The following ZNF503 variants were observed in gnomAD, a reference collection of about 807,000 sequenced individuals.
The protein encoded by ZNF503 is NocA-like zinc finger 2.
Under a neutral mutation model 34.4 loss-of-function variants are expected in ZNF503, and 15 were observed. That is an observed-to-expected ratio of 0.44 (90% CI 0.29 to 0.67). ZNF503 has a LOEUF of 0.67. Ranked by LOEUF, ZNF503 falls within the 30% of genes least tolerant of loss-of-function variation. The pLI is 0.13. For missense variants in ZNF503, 1,007 were observed against 926.8 expected (o/e 1.09, Z -1.12); for synonymous variants, 580 against 456.8 (o/e 1.27, Z -3.44).
At chr10:75,324,028 CTTA>C in the ZNF503 span, among the ~76,000 whole-genome samples, 82 of 129,486 alleles carry the variant, frequency 6.3e-4, no homozygotes, top group African/African-American at 2.2e-3. Context: ...TGCTTGTTTT[CTTA>C]TTGTTGAATT....
chr10:75,293,646 C>A, the ZNF503 span, among the ~76,000 whole-genome samples: 1 of 151,068 alleles, frequency 6.6e-6, no homozygotes, highest in Non-Finnish European at 1.5e-5. Context: ...TGTGTGTGTG[C>A]GTGTGTGTAT....
rs1167458634 is a variant in ZNF503, at chr10:75,401,377, GCTTA to G, written c.39_42del (p.Lys14ThrfsTer63). ...CCTCCGCCGCCGCCGCCGCCGCTGT[GCTTA>G]CTGCTTCTTAGGGCAGAAAGCGAGG... On this transcript the variant is annotated frameshift_variant, in exon 1 of 2. Coordinates refer to ENST00000372524, the MANE Select transcript of ZNF503 (RefSeq NM_032772.6). LOFTEE classifies it high-confidence loss of function. 6.5e-7 allele frequency: 1 copy of G among 1,532,242 alleles called. No individual in the cohort carries two copies. The highest frequency in any genetic ancestry group is 8.8e-7 in the Non-Finnish European group (1 of 1,141,002). 94.9% of individuals were successfully genotyped at this position (1,532,242 alleles called of 1,614,324 possible). A position where few individuals can be genotyped will look rare whatever the true frequency, so the allele number is the denominator to read the frequency against.
Position 75,401,165 on chromosome 10 carries a change from G to C in ZNF503, c.255C>G (p.Gly85=). The change falls in exon 1 of 2, where the codon GGC becomes GGG. Residue 85 remains glycine, a synonymous_variant. Coordinates refer to ENST00000372524, the MANE Select transcript of ZNF503 (RefSeq NM_032772.6). The stretch of plus-strand genomic sequence containing the variant: ...GCAGGTACTCGGGGTGCAAAATGTG[G>C]CCAGTTCGTGCCGTCAGCATCTTCA... ...KVLKMLTART[G]HILHPEYLQP... The C allele has an allele frequency of 6.2e-7, 1 of 1,611,552 alleles. No individual in the cohort carries two copies. Among genetic ancestry groups the C allele is most frequent in the South Asian group, 1.1e-5 (1 of 90,726 alleles).
chr10:75,365,214 T>A, the ZNF503 span, among the ~76,000 whole-genome samples: 1 of 152,230 alleles, frequency 6.6e-6, no homozygotes, highest in South Asian at 2.1e-4. Context: ...AGTGGAGTGA[T>A]CTCAGCTCAC....
chr10:75,368,413 AT>A, the ZNF503 span, among the ~76,000 whole-genome samples: 1 of 152,224 alleles, frequency 6.6e-6, no homozygotes, highest in African/African-American at 2.4e-5. Flanking sequence ...AGATCCAGGA[AT>A]AGAAAGGAAT....
At chr10:75,396,249 G>A (rs952771400), downstream of ZNF503, among the ~76,000 whole-genome samples, 1 of 152,180 alleles carries the variant, frequency 6.6e-6, no homozygotes, top group Non-Finnish European at 1.5e-5. This position sits in a 1 kb window ranked among gnomAD's most constrained non-coding sequence, Gnocchi z 4.4. Flanking sequence ...ACCAGAGTGG[G>A]ACCGGGGCCG....
the ZNF503 span, among the ~76,000 whole-genome samples, chr10:75,360,114 CTTTTTTTTT>C: frequency 2.8e-5 from 3 of 108,488 alleles, no homozygotes; most frequent in Non-Finnish European, 5.5e-5. Context: ...CCAAAGGTTT[CTTTTTTTTT>C]TTTTTTTTTT....
chr10:75,320,796 T>C, the ZNF503 span, among the ~76,000 whole-genome samples: 1 of 152,250 alleles, frequency 6.6e-6, no homozygotes, highest in East Asian at 1.9e-4. Context: ...ATCTACCATA[T>C]TAACAAGATA....
At chr10:75,369,073 G>A in the ZNF503 span, among the ~76,000 whole-genome samples, 1 of 152,154 alleles carries the variant, frequency 6.6e-6, no homozygotes, top group South Asian at 2.1e-4. Flanking sequence ...AGGAAAGGTT[G>A]TTTAAGATAC....
chr10:75,367,691 AG>A, the ZNF503 span, among the ~76,000 whole-genome samples: 1 of 152,232 alleles, frequency 6.6e-6, no homozygotes, highest in Non-Finnish European at 1.5e-5. Flanking sequence ...ATAATGTTGT[AG>A]TAAAAGGACA....
At chr10:75,317,750 C>T in the ZNF503 span, among the ~76,000 whole-genome samples, 1 of 152,162 alleles carries the variant, frequency 6.6e-6, no homozygotes, top group South Asian at 2.1e-4. Context: ...AATCCCAGCA[C>T]TTCGGGAGGC....
the ZNF503 span, among the ~76,000 whole-genome samples, chr10:75,385,879 T>C: frequency 2.0e-5 from 3 of 152,198 alleles, no homozygotes; most frequent in Admixed American, 6.5e-5. Context: ...TTTTTCTCCT[T>C]GGGTACACAT....
the ZNF503 span, among the ~76,000 whole-genome samples, chr10:75,331,367 C>T: frequency 2.0e-5 from 3 of 152,232 alleles, no homozygotes; most frequent in South Asian, 2.1e-4. Context: ...GGCTTTCTGT[C>T]TAGATGATTT....
chr10:75,298,849 C>G, the ZNF503 span: 2 of 147,934 alleles, frequency 1.4e-5, no homozygotes, highest in Non-Finnish European at 2.9e-5. Context: ...GTCTTGAACT[C>G]CTGGACTCAA....
the ZNF503 span, among the ~76,000 whole-genome samples, chr10:75,320,161 T>G: frequency 6.6e-6 from 1 of 152,192 alleles, no homozygotes; most frequent in Non-Finnish European, 1.5e-5. Flanking sequence ...TTCCTCATAA[T>G]TATCAATGCA....
At chr10:75,394,330 T>A (rs968966616), downstream of ZNF503, among the ~76,000 whole-genome samples, 1 of 152,236 alleles carries the variant, frequency 6.6e-6, no homozygotes, top group African/African-American at 2.4e-5. Context: ...CAGGATCCCA[T>A]GGGCTGGGCA....
rs754553663 is a variant in ZNF503, at chr10:75,399,621, T to C, written c.1069A>G (p.Met357Val). ...CCGGCCAGGCTGCCTGGGTAGGTCA[T>C]ACCCGCGGGAGGCAGAGGGAACACT... ...QTVFPLPPAG[M>V]TYPGSLAGAY... The change falls in exon 2 of 2, where the codon ATG becomes GTG. Residue 357 changes from methionine (M) to valine (V), a missense_variant. Transcript: ENST00000372524. 1.3e-5 allele frequency: 21 copies of C among 1,598,242 alleles called. No homozygotes were observed. The highest frequency in any genetic ancestry group is 1.7e-4 in the Middle Eastern group (1 of 6,024).
At chr10:75,321,855 G>GGTC in the ZNF503 span, among the ~76,000 whole-genome samples, 1 of 152,156 alleles carries the variant, frequency 6.6e-6, no homozygotes, top group East Asian at 1.9e-4. Flanking sequence ...TTTGAAGCCT[G>GGTC]GTCATCTGGC....
the ZNF503 span, among the ~76,000 whole-genome samples, chr10:75,389,962 C>T: frequency 2.6e-5 from 4 of 151,992 alleles, no homozygotes; most frequent in East Asian, 1.9e-4. Context: ...GTGCGATCTG[C>T]GCTCACTGCA....
Sources: gnomAD v4.1 joint callset for allele counts (sites outside exome capture counted in the v4.1 genomes callset) on GRCh38, gnomAD v4.1.1 for gene constraint, Gnocchi (gnomAD v3.1) non-coding constraint, MANE v1.5 for transcripts, NCBI Gene and HGNC (gene_info 2026-07-23, HGNC 2026-07-21) for gene names.